Variants in SPOCK3 observed in about 807,000 individuals in gnomAD.
SPOCK3 encodes testican-3.
In SPOCK3, 30 loss-of-function variants were observed where a neutral mutation model predicts 56.6. The observed-to-expected ratio is 0.53, with a 90% CI of 0.40 to 0.72. The LOEUF is 0.72. Among genes scored for constraint, SPOCK3 ranks in the 30% least tolerant of loss-of-function variants. The probability of loss-of-function intolerance (pLI) is 0.00; values close to 1 mark genes in which losing one functional copy is unlikely to be tolerated. For missense variants in SPOCK3, 527 were observed against 530.0 expected (o/e 0.99, Z 0.06); for synonymous variants, 196 against 183.3 (o/e 1.07, Z -0.56).
intron 2 of SPOCK3, among the ~76,000 whole-genome samples, chr4:167,116,651 C>CACGTATATACTATAT (rs1561233881): frequency 6.1e-5 from 5 of 81,462 alleles, no homozygotes; most frequent in Non-Finnish European, 1.1e-4. Flanking sequence ...TATATATATA[C>CACGTATATACTATAT]ACATATATAC....
At chr4:166,960,589 C>A (rs1188447171) in intron 4 of SPOCK3, among the ~76,000 whole-genome samples, 2 of 152,190 alleles carry the variant, frequency 1.3e-5, no homozygotes, top group African/African-American at 4.8e-5. Flanking sequence ...ATCTCAGCCT[C>A]TTCCCTGAGT....
At chr4:166,781,417 G>T (rs1303789679) in intron 7 of SPOCK3, among the ~76,000 whole-genome samples, 1 of 144,484 alleles carries the variant, frequency 6.9e-6, no homozygotes, top group Admixed American at 6.9e-5. Flanking sequence ...AGAAAGAGAA[G>T]AAAATAAAAC....
At chr4:167,181,044 T>A (rs1432887013) in intron 2 of SPOCK3, among the ~76,000 whole-genome samples, 1 of 152,198 alleles carries the variant, frequency 6.6e-6, no homozygotes, top group Non-Finnish European at 1.5e-5. Flanking sequence ...CTCAGCTAGA[T>A]CCACTGCTTT....
intron 4 of SPOCK3, among the ~76,000 whole-genome samples, chr4:166,944,397 C>G (rs187096461): frequency 1.1e-4 from 17 of 152,164 alleles, no homozygotes; most frequent in African/African-American, 3.9e-4. Context: ...CCCATCTAAC[C>G]CTCATTTGAG....
intron 2 of SPOCK3, among the ~76,000 whole-genome samples, chr4:167,083,499 C>T (rs753535815): frequency 2.6e-5 from 4 of 152,102 alleles, no homozygotes; most frequent in African/African-American, 4.8e-5. Flanking sequence ...CAGACTGCTC[C>T]GCTGTGTGAA....
intron 9 of SPOCK3, among the ~76,000 whole-genome samples, chr4:166,740,092 A>T (rs1480551177): frequency 6.6e-6 from 1 of 152,140 alleles, no homozygotes; most frequent in Non-Finnish European, 1.5e-5. Flanking sequence ...ATGCCAGTAA[A>T]GTTGGTTGAT....
Position 166,744,177 on chromosome 4 carries a change from G to A in SPOCK3, c.932-2118C>T, listed in dbSNP as rs138067094. On this transcript the variant is annotated intron_variant, in intron 8 of 10. Transcript: ENST00000357545. ...CTCCTCAAGTGGGTCCCTGACCCCC[G>A]AGTAGCCTAACTGGGAGATACCTCC... Among the ~76,000 whole-genome samples, 171 of 152,278 alleles carry A rather than the reference G, an allele frequency of 1.1e-3. 2 individuals are homozygous for A. The East Asian group carries it at 0.018, about 16-fold the overall frequency.
chr4:167,206,407 A>G (rs1240582950), intron 2 of SPOCK3, among the ~76,000 whole-genome samples: 1 of 152,102 alleles, frequency 6.6e-6, no homozygotes, highest in Non-Finnish European at 1.5e-5. Flanking sequence ...AATAACATAT[A>G]TGTGTATAAA....
chr4:166,835,775 G>A (rs1480541213), intron 6 of SPOCK3, among the ~76,000 whole-genome samples: 9 of 152,086 alleles, frequency 5.9e-5, no homozygotes, highest in East Asian at 1.9e-4. Flanking sequence ...CGAGGTGGGC[G>A]GATCACCTGA....
chr4:167,057,279 C>G (rs57288052), intron 3 of SPOCK3, among the ~76,000 whole-genome samples: 47,531 of 151,636 alleles, frequency 0.31, 9,419 homozygotes, highest in African/African-American at 0.57. Context: ...AAGAGCTCCT[C>G]AAGGAAGCAC....
intron 4 of SPOCK3, among the ~76,000 whole-genome samples, chr4:166,925,579 C>T (rs1156282045): frequency 6.6e-6 from 1 of 151,982 alleles, no homozygotes; most frequent in Non-Finnish European, 1.5e-5. Context: ...ATCTAAAATA[C>T]ATCTTATTTT....
intron 8 of SPOCK3, among the ~76,000 whole-genome samples, chr4:166,747,092 C>G (rs1473528811): frequency 6.6e-6 from 1 of 152,072 alleles, no homozygotes; most frequent in East Asian, 1.9e-4. Flanking sequence ...TGAAACTATT[C>G]CAATCAATAG....
At chr4:167,015,721 C>A (rs1335450726) in intron 3 of SPOCK3, among the ~76,000 whole-genome samples, 2 of 152,060 alleles carry the variant, frequency 1.3e-5, no homozygotes, top group African/African-American at 4.8e-5. Context: ...TCTACTTAGG[C>A]GTGATTAGAT....
chr4:167,109,206 A>T (rs1317174522), intron 2 of SPOCK3, among the ~76,000 whole-genome samples: 2 of 82,044 alleles, frequency 2.4e-5, no homozygotes, highest in African/African-American at 4.9e-5. Context: ...TTTATATAAA[A>T]ATATATTATA....
At chr4:166,942,941 T>G (rs1741278961) in intron 4 of SPOCK3, among the ~76,000 whole-genome samples, 1 of 152,210 alleles carries the variant, frequency 6.6e-6, no homozygotes, top group African/African-American at 2.4e-5. Context: ...CTGTTTATAT[T>G]AGTTAGTTTG....
At chr4:166,965,786 A>C (rs994106039) in intron 4 of SPOCK3, among the ~76,000 whole-genome samples, 2 of 152,020 alleles carry the variant, frequency 1.3e-5, no homozygotes, top group African/African-American at 4.8e-5. Flanking sequence ...CAACACCCCT[A>C]TTATCGACAT....
intron 4 of SPOCK3, among the ~76,000 whole-genome samples, chr4:166,987,095 T>C (rs2558133): frequency 0.65 from 98,940 of 152,034 alleles, 33,992 homozygotes; most frequent in East Asian, 0.84. Flanking sequence ...GTTACATTTA[T>C]GATAAAATTC....
At chr4:167,205,280 ATATATATTTTATATCTATAATATATAT>A (rs70957819) in intron 2 of SPOCK3, among the ~76,000 whole-genome samples, 7,648 of 63,010 alleles carry the variant, frequency 0.12, 788 homozygotes, top group South Asian at 0.17. Flanking sequence ...AATATATATT[ATATATATTTTATATCTATAATATATAT>A]TATATATTTT....
intron 8 of SPOCK3, among the ~76,000 whole-genome samples, chr4:166,743,748 C>T (rs1437418245): frequency 5.3e-5 from 8 of 152,210 alleles, no homozygotes; most frequent in Non-Finnish European, 1.2e-4. Flanking sequence ...TTGGGACACT[C>T]CTGCCCTGAT....
Sources: gnomAD v4.1 joint callset for allele counts (sites outside exome capture counted in the v4.1 genomes callset) on GRCh38, gnomAD v4.1.1 for gene constraint, MANE v1.5 for transcripts, NCBI Gene and HGNC (gene_info 2026-07-23, HGNC 2026-07-21) for gene names.